Variants in RGPD3 observed in about 807,000 individuals in gnomAD.
RGPD3 encodes the protein RANBP2 like and GRIP domain containing 3, also known as ranBP2-like and GRIP domain-containing protein 3.
RGPD3 carries 62 observed loss-of-function variants against 154.5 expected under a neutral mutation model. The observed-to-expected ratio is 0.40, with a 90% CI of 0.33 to 0.50. The LOEUF (loss-of-function observed/expected upper bound fraction) is 0.50, where lower values mean the gene tolerates loss of function less well. RGPD3 is among the 20% of genes least tolerant of loss of function. The pLI, the probability that RGPD3 is intolerant of heterozygous loss-of-function variation, is 0.59. For synonymous variants in RGPD3, 308 were observed against 607.0 expected, an observed-to-expected ratio of 0.51 and a Z score of 7.24; for missense variants, 919 against 1,716.8, an observed-to-expected ratio of 0.54 and a Z score of 8.21.
At chr2:106,467,691 C>G (rs1322298052) in intron 1 of RGPD3, among the ~76,000 whole-genome samples, 22 of 141,728 alleles carry the variant, frequency 1.6e-4, no homozygotes, top group South Asian at 1.3e-3. Flanking sequence ...CCTGAGCCAT[C>G]GAGGCAGCCG....
intron 1 of RGPD3, 24 bp downstream of exon 1, chr2:106,468,193 T>A (rs745898707): frequency 1.9e-6 from 3 of 1,592,176 alleles, no homozygotes; most frequent in Non-Finnish European, 1.7e-6. Context: ...GTCGAGGCCG[T>A]CGGTCTCTTC....
At chr2:106,467,704 G>C (rs1261560746) in intron 1 of RGPD3, among the ~76,000 whole-genome samples, 2 of 140,072 alleles carry the variant, frequency 1.4e-5, no homozygotes, top group East Asian at 2.1e-4. Flanking sequence ...GGCAGCCGCC[G>C]GGCCAGGTCG....
intron 1 of RGPD3, among the ~76,000 whole-genome samples, chr2:106,464,562 G>A (rs1449110760): frequency 8.0e-5 from 12 of 150,836 alleles, no homozygotes; most frequent in African/African-American, 2.5e-4. Context: ...AACACAGCAA[G>A]ACCCTATTCT....
Position 106,436,234 on chromosome 2 carries a change from T to G in RGPD3, c.1647A>C (p.Ser549=), listed in dbSNP as rs201792682. ...GCTGAACTAGAAGTCTCAATTTTGC[T>G]GAGTTTCCAGGTCTAAAAAATAGTT... is the stretch of plus-strand genomic sequence containing the variant. ...LIHRKAVPGN[S]AKLRLLVQHE... is the part of the protein sequence containing the mutation. Residue 549 remains serine (S), a synonymous_variant, in exon 12 of 23, where the codon TCA becomes TCC. Transcript: ENST00000409886. The G allele has an allele frequency of 4.3e-6, 7 of 1,611,812 alleles. No individual in the cohort carries two copies. The highest frequency in any genetic ancestry group is 5.9e-6 in the Non-Finnish European group (7 of 1,179,834).
intron 6 of RGPD3, among the ~76,000 whole-genome samples, chr2:106,451,361 C>G (rs1317676961): frequency 6.6e-6 from 1 of 150,618 alleles, no homozygotes; most frequent in Non-Finnish European, 1.5e-5. Context: ...AAATGAACTT[C>G]TTTCCTTATA....
In RGPD3 at chr2:106,424,554, G is replaced by C; in HGVS notation, c.3413C>G (p.Ser1138Cys). 2.5e-6 allele frequency: 4 copies of C among 1,609,882 alleles called. No homozygotes were observed. The highest frequency in any genetic ancestry group is 3.4e-6 in the Non-Finnish European group (4 of 1,179,682). The change falls in exon 20 of 23, where the codon TCT becomes TGT. Residue 1138 changes from serine (S) to cysteine (C), a missense_variant. Ser to Cys is a moderately radical substitution (Grantham distance 112). Transcript: ENST00000409886. The stretch of plus-strand genomic sequence containing the variant: ...TCGCTCTAGTTTGGCATCACCATCA[G>C]AGAAATCACTGGCTGACCACATCCA... ...RAWMWSASDF[S>C]DGDAKLERLA...
At chr2:106,467,795 G>A (rs1421335277) in intron 1 of RGPD3, among the ~76,000 whole-genome samples, 12 of 143,800 alleles carry the variant, frequency 8.3e-5, no homozygotes, top group African/African-American at 2.9e-4. Context: ...GCAGCCGCCG[G>A]GCCAGGTCGA....
Position 106,418,027 on chromosome 2 carries a change from G to A in RGPD3, c.4925-2038C>T, listed in dbSNP as rs544212575. The stretch of plus-strand genomic sequence containing the variant: ...GCCTGTAATCCCAGCTGCTGGGGAG[G>A]CTGAGGCAGAGAACTGCTGGAAGCC... On this transcript the variant is annotated intron_variant, in intron 20 of 22. Transcript: ENST00000409886. Among the ~76,000 whole-genome samples the A allele has an allele frequency of 6.2e-4, 90 of 145,742 alleles. 4 individuals carry two copies. Among genetic ancestry groups the A allele is most frequent in the Non-Finnish European group, 1.1e-3 (73 of 66,754 alleles).
rs375096799 is a variant in RGPD3 at position 106,411,065 on chromosome 2, G to A, written c.5266+2019C>T. On this transcript the variant is annotated intron_variant, in intron 22 of 22. Transcript: ENST00000409886. ...TCTAGACCAGGGGTTTTCAAGGTAT[G>A]GGCCCCAGACCAGAAGTATCAGCAA... 6.0e-5 allele frequency among the ~76,000 whole-genome samples: 9 copies of A among 150,512 alleles called. No individual in the cohort carries two copies. In the South Asian group the frequency reaches 1.7e-3, roughly 29 times the overall value.
At chr2:106,448,648 T>G (rs1336377558) in intron 6 of RGPD3, among the ~76,000 whole-genome samples, 1 of 150,110 alleles carries the variant, frequency 6.7e-6, no homozygotes. Flanking sequence ...CCAAAAAAAT[T>G]TATATATTAC....
intron 21 of RGPD3, among the ~76,000 whole-genome samples, chr2:106,414,359 C>T (rs1010268505): frequency 2.0e-5 from 3 of 152,170 alleles, no homozygotes; most frequent in African/African-American, 7.2e-5. Flanking sequence ...AGTGGTGGCT[C>T]ATGCCTGTAA....
intron 6 of RGPD3, among the ~76,000 whole-genome samples, chr2:106,450,925 C>A (rs1678099814): frequency 7.6e-6 from 1 of 131,234 alleles, no homozygotes; most frequent in South Asian, 2.8e-4. Flanking sequence ...CCCGTCTCTA[C>A]TAAAAATACA....
chr2:106,445,022 C>A (rs900006266), intron 7 of RGPD3, among the ~76,000 whole-genome samples: 1 of 135,046 alleles, frequency 7.4e-6, no homozygotes, highest in African/African-American at 2.9e-5. Context: ...ATTGGCAGGG[C>A]GCGGTGGCTC....
chr2:106,465,262 C>G (rs1678533295), intron 1 of RGPD3, among the ~76,000 whole-genome samples: 1 of 152,070 alleles, frequency 6.6e-6, no homozygotes. Flanking sequence ...TCATTTCACT[C>G]AAACCTAACT....
In RGPD3 at chr2:106,405,057, C is replaced by G. The variant is rs1211062119; in HGVS notation, c.*162G>C. 1.3e-6 allele frequency: 1 copy of G among 754,550 alleles called. No homozygotes were observed. The highest frequency in any genetic ancestry group is 1.8e-5 in the African/African-American group (1 of 56,022). 46.7% of individuals were successfully genotyped at this position (754,550 alleles called of 1,614,324 possible). On this transcript the variant is annotated 3_prime_UTR_variant, in exon 23 of 23. Coordinates refer to ENST00000409886, the MANE Select transcript of RGPD3 (RefSeq NM_001144013.2). ...ATAGATGTACAAATATATGTAAATG[C>G]AAACATATACACACTTTTTGACAAA...
At chr2:106,448,732 C>A (rs1278961154) in intron 6 of RGPD3, among the ~76,000 whole-genome samples, 1 of 151,874 alleles carries the variant, frequency 6.6e-6, no homozygotes, top group East Asian at 1.9e-4. Context: ...CACTCTGTCA[C>A]AAGGCTGGAG....
rs200589031 is a variant in RGPD3 at position 106,449,702 on chromosome 2, G to C, written c.783-2089C>G. Among the ~76,000 whole-genome samples the C allele has an allele frequency of 6.6e-4, 101 of 151,888 alleles. 1 individual carries two copies. In the East Asian group the frequency reaches 0.019, roughly 29 times the overall value. On this transcript the variant is annotated intron_variant, in intron 6 of 22. Coordinates refer to ENST00000409886, the MANE Select transcript of RGPD3 (RefSeq NM_001144013.2). The stretch of plus-strand genomic sequence containing the variant: ...ACCTTCCAGTACTTTGGGAGGCCAA[G>C]GTAGACAGATCAAGAGGTCAAGAGA...
rs1676419245 is a variant in RGPD3, at chr2:106,403,428, A to T, written c.*1791T>A. Among the ~76,000 whole-genome samples, 1 of 152,068 alleles carries T rather than the reference A, an allele frequency of 6.6e-6. No individual in the cohort carries two copies. Among genetic ancestry groups the T allele is most frequent in the Non-Finnish European group, 1.5e-5 (1 of 67,978 alleles). ...ATATACAGTTAAACATATTTAATAGAAATATTAAAATAATCATTACACTTC... is the reference window on the plus strand; with the variant it reads ...ATATACAGTTAAACATATTTAATAGTAATATTAAAATAATCATTACACTTC... On this transcript the variant is annotated 3_prime_UTR_variant, in exon 23 of 23. Coordinates refer to ENST00000409886, the MANE Select transcript of RGPD3 (RefSeq NM_001144013.2).
At position 106,423,788 on chromosome 2, in the gene RGPD3, A is replaced by T. The variant is rs1419195443; in HGVS notation, c.4179T>A (p.Val1393=). ...KILQNYDNKH[V]RILMRRDQVL... is the part of the protein sequence containing the mutation. Reference sequence around the variant, plus strand: ...CTTGGTCCCTTCTCATCAGTATACGAACGTGCTTATTATCATAATTCTGTA... The same window carrying T: ...CTTGGTCCCTTCTCATCAGTATACGTACGTGCTTATTATCATAATTCTGTA... The change falls in exon 20 of 23, where the codon GTT becomes GTA. Residue 1393 remains valine, a synonymous_variant. Coordinates refer to ENST00000409886, the MANE Select transcript of RGPD3 (RefSeq NM_001144013.2). The T allele has an allele frequency of 1.2e-6, 2 of 1,611,894 alleles. No homozygotes were observed. The highest frequency in any genetic ancestry group is 1.7e-6 in the Non-Finnish European group (2 of 1,179,872).
Sources: gnomAD v4.1 joint callset for allele counts (sites outside exome capture counted in the v4.1 genomes callset) on GRCh38, gnomAD v4.1.1 for gene constraint, MANE v1.5 for transcripts, NCBI Gene and HGNC (gene_info 2026-07-23, HGNC 2026-07-21) for gene names.